The following ZNF529 variants were observed in gnomAD, a reference collection of about 807,000 sequenced individuals.
ZNF529 encodes the protein zinc finger protein 529.
Under a neutral mutation model 10.1 loss-of-function variants are expected in ZNF529, and 11 were observed. The observed-to-expected ratio is 1.09, with a 90% confidence interval of 0.69 to 1.81. ZNF529 has a LOEUF of 1.81. Among genes scored for constraint, ZNF529 ranks in the 40% most tolerant of loss-of-function variants. ZNF529 has a pLI of 0.00. For missense variants in ZNF529, 624 were observed against 666.8 expected (o/e 0.94, Z 0.71); for synonymous variants, 204 against 215.7 (o/e 0.95, Z 0.47).
At chr19:36,558,958 A>G (rs2035580452) in intron 2 of ZNF529, among the ~76,000 whole-genome samples, 1 of 152,074 alleles carries the variant, frequency 6.6e-6, no homozygotes, top group South Asian at 2.1e-4. Context: ...TCCAATTAAA[A>G]AAATAAGCAA....
intron 2 of ZNF529, among the ~76,000 whole-genome samples, chr19:36,561,498 T>C (rs960173527): frequency 2.0e-5 from 3 of 151,872 alleles, no homozygotes; most frequent in African/African-American, 7.3e-5. Flanking sequence ...TTCTTTTGTC[T>C]CAGCCTCCCA....
At chr19:36,572,283 G>T in intron 2 of ZNF529, 50 bp downstream of exon 2, 2 of 1,547,152 alleles carry the variant, frequency 1.3e-6, no homozygotes, top group Non-Finnish European at 1.7e-6. Flanking sequence ...GTTGTTAATT[G>T]GGAAGAGAAA....
At chr19:36,558,235 G>GA (rs1226454689) in intron 2 of ZNF529, among the ~76,000 whole-genome samples, 1 of 150,912 alleles carries the variant, frequency 6.6e-6, no homozygotes, top group Non-Finnish European at 1.5e-5. Flanking sequence ...AGGTGAGAGA[G>GA]AAAAAAAAGG....
chr19:36,554,403 C>G (rs1473873908), intron 4 of ZNF529, among the ~76,000 whole-genome samples: 1 of 152,062 alleles, frequency 6.6e-6, no homozygotes, highest in African/African-American at 2.4e-5. Context: ...ATGGTGAAAC[C>G]CTGTCTCTAC....
At chr19:36,595,158 TGA>T (rs1471511022) in intron 1 of ZNF529, among the ~76,000 whole-genome samples, 1 of 152,162 alleles carries the variant, frequency 6.6e-6, no homozygotes. Context: ...ATTACAGGCG[TGA>T]GCCACCATGC....
chr19:36,592,046 G>T (rs1223763054), intron 1 of ZNF529, among the ~76,000 whole-genome samples: 21 of 151,864 alleles, frequency 1.4e-4, no homozygotes, highest in Admixed American at 1.4e-3. Flanking sequence ...GGCCATAGCG[G>T]GTGGATCACT....
At chr19:36,551,435 T>C (rs1031508648) in intron 4 of ZNF529, among the ~76,000 whole-genome samples, 5 of 152,162 alleles carry the variant, frequency 3.3e-5, no homozygotes, top group Non-Finnish European at 5.9e-5. Flanking sequence ...TTCATACAGC[T>C]GGACATCAAA....
Position 36,573,170 on chromosome 19 carries a change from G to A in ZNF529, c.-77C>T, listed in dbSNP as rs1232368068. 3.2e-6 allele frequency: 1 copy of A among 314,426 alleles called. No individual in the cohort carries two copies. The highest frequency in any genetic ancestry group is 2.2e-5 in the African/African-American group (1 of 46,052). 19.5% of individuals were successfully genotyped at this position (314,426 alleles called of 1,614,324 possible). On this transcript the variant is annotated 5_prime_UTR_variant, in exon 1 of 5. Coordinates refer to ENST00000591340, the MANE Select transcript of ZNF529 (RefSeq NM_020951.5). ...TCGTCCGCAGCTCCCGCGTACAGAG[G>A]CCTCAGGCTCCCGGCTCCACGTGGA...
chr19:36,564,215 A>G (rs77391235), intron 2 of ZNF529, among the ~76,000 whole-genome samples: 3,260 of 152,302 alleles, frequency 0.021, 47 homozygotes, highest in Middle Eastern at 0.051. Flanking sequence ...ATTTGTGACT[A>G]ATTCCTCAAA....
Position 36,590,050 on chromosome 19 carries a change from A to T in ZNF529, c.-127-349T>A, listed in dbSNP as rs181923763. Among the ~76,000 whole-genome samples, 14 of 152,332 alleles carry T rather than the reference A, an allele frequency of 9.2e-5. No homozygotes were observed. In the East Asian group the frequency reaches 2.7e-3, roughly 29 times the overall value. ...AGGGAAAACGAAAATAGTTTGAACT[A>T]ACTGATAATGAAAATGCACCATATA... is the stretch of plus-strand genomic sequence containing the variant. On this transcript the variant is annotated intron_variant, in intron 1 of 4. Transcript: ENST00000585960.
intron 2 of ZNF529, among the ~76,000 whole-genome samples, chr19:36,557,530 C>T (rs1309569827): frequency 6.6e-6 from 1 of 152,168 alleles, no homozygotes; most frequent in Admixed American, 6.5e-5. Flanking sequence ...AACTCACCCA[C>T]TATTACAAGA....
intron 1 of ZNF529, among the ~76,000 whole-genome samples, chr19:36,603,701 C>G (rs2036967055): frequency 1.3e-5 from 2 of 152,290 alleles, no homozygotes; most frequent in South Asian, 2.1e-4. Flanking sequence ...ATAACCCATG[C>G]TGAATATGAC....
intron 2 of ZNF529, among the ~76,000 whole-genome samples, chr19:36,557,395 A>G (rs1311004336): frequency 6.6e-6 from 1 of 152,196 alleles, no homozygotes; most frequent in East Asian, 1.9e-4. Flanking sequence ...ACAGTTCTGC[A>G]TGGCTGGGGA....
chr19:36,578,291 C>CTTTTTTTTTTTTT (rs1159725232), upstream of ZNF529, among the ~76,000 whole-genome samples: 11 of 31,818 alleles, frequency 3.5e-4, 5 homozygotes, highest in Non-Finnish European at 3.9e-4. Flanking sequence ...GTCTTGATCT[C>CTTTTTTTTTTTTT]TTTTTTTTTT....
intron 4 of ZNF529, among the ~76,000 whole-genome samples, chr19:36,549,771 T>A (rs1450085882): frequency 6.6e-6 from 1 of 152,242 alleles, no homozygotes; most frequent in Admixed American, 6.5e-5. Flanking sequence ...TCCTAAAACC[T>A]TCCTCTATTT....
intron 2 of ZNF529, among the ~76,000 whole-genome samples, chr19:36,563,148 G>A (rs530563237): frequency 3.3e-5 from 5 of 152,234 alleles, no homozygotes; most frequent in South Asian, 2.1e-4. Flanking sequence ...GGTGCCAGGC[G>A]CGGTGGCTCA....
At chr19:36,590,929 CAAAAA>C (rs34193887) in intron 1 of ZNF529, among the ~76,000 whole-genome samples, 2 of 105,990 alleles carry the variant, frequency 1.9e-5, no homozygotes. Context: ...GACTCCGTCT[CAAAAA>C]AAAAAAAAAA....
intron 1 of ZNF529, among the ~76,000 whole-genome samples, chr19:36,591,657 G>A (rs1256389261): frequency 6.6e-6 from 1 of 151,696 alleles, no homozygotes; most frequent in African/African-American, 2.4e-5. Flanking sequence ...CCCGGGAGGC[G>A]GAGCTTGCAG....
chr19:36,582,944 T>C (rs1291992288), intron 2 of ZNF529, among the ~76,000 whole-genome samples: 2 of 152,152 alleles, frequency 1.3e-5, no homozygotes, highest in African/African-American at 4.8e-5. Flanking sequence ...TATGAACAAT[T>C]TTATGCCAAT....
Sources: allele counts gnomAD v4.1 joint callset (sites outside exome capture counted in the v4.1 genomes callset), GRCh38; gene constraint gnomAD v4.1.1; transcripts MANE v1.5; gene names NCBI Gene and HGNC (gene_info 2026-07-23, HGNC 2026-07-21).